The following STPG2 variants were observed in gnomAD, a reference collection of about 807,000 sequenced individuals.
STPG2 encodes the protein sperm tail PG-rich repeat containing 2.
In STPG2, 56 loss-of-function variants were observed where a neutral mutation model predicts 54.2. The ratio of observed to expected loss-of-function variants is 1.03; its 90% CI spans 0.83 to 1.29. STPG2 has a LOEUF of 1.29. Ranked by LOEUF, STPG2 falls within the 50% of genes most tolerant of loss-of-function variation. The pLI is 0.00. For missense variants in STPG2, 596 were observed against 544.9 expected, an observed-to-expected ratio of 1.09 and a Z score of -0.93; for synonymous variants, 200 against 181.8, an observed-to-expected ratio of 1.10 and a Z score of -0.81.
chr4:97,803,198 T>C (rs1263086344), intron 9 of STPG2, among the ~76,000 whole-genome samples: 1 of 152,166 alleles, frequency 6.6e-6, no homozygotes, highest in Admixed American at 6.5e-5. Context: ...CTCCAAAATA[T>C]ATATGGAGGG....
intron 8 of STPG2, among the ~76,000 whole-genome samples, chr4:97,841,612 T>C (rs1180201419): frequency 1.3e-5 from 2 of 151,812 alleles, no homozygotes; most frequent in Non-Finnish European, 3.0e-5. Context: ...TCCTTTGAAA[T>C]CTATTCACCT....
chr4:97,536,513 T>C (rs948202397), intron 4 of STPG2, among the ~76,000 whole-genome samples: 2 of 152,166 alleles, frequency 1.3e-5, no homozygotes, highest in African/African-American at 4.8e-5. Flanking sequence ...TCCCCAGCCA[T>C]GCAGAACTGA....
chr4:97,687,769 G>A (rs1175952028), intron 10 of STPG2, among the ~76,000 whole-genome samples: 1 of 151,992 alleles, frequency 6.6e-6, no homozygotes, highest in Non-Finnish European at 1.5e-5. Context: ...GGGAACTTTA[G>A]AATATATTAT....
intron 9 of STPG2, among the ~76,000 whole-genome samples, chr4:97,816,626 C>T (rs925194301): frequency 2.6e-5 from 4 of 152,096 alleles, no homozygotes; most frequent in Admixed American, 1.3e-4. Context: ...CTCCTCACCA[C>T]GGATGAGCAT....
At chr4:97,630,513 T>A (rs921015087) in intron 10 of STPG2, among the ~76,000 whole-genome samples, 20 of 151,882 alleles carry the variant, frequency 1.3e-4, no homozygotes, top group Admixed American at 4.6e-4. Context: ...TTATTGTTAA[T>A]CATAGAAAAT....
At chr4:97,992,808 C>A (rs1168590927) in intron 5 of STPG2, among the ~76,000 whole-genome samples, 1 of 151,918 alleles carries the variant, frequency 6.6e-6, no homozygotes, top group East Asian at 1.9e-4. Flanking sequence ...GGTCTTTCAC[C>A]TCCTTAGTTA....
At chr4:97,981,797 A>G (rs1329878044) in intron 5 of STPG2, among the ~76,000 whole-genome samples, 1 of 147,818 alleles carries the variant, frequency 6.8e-6, no homozygotes, top group Non-Finnish European at 1.5e-5. Context: ...ATTCAGTTTA[A>G]CTTTTAAACT....
intron 9 of STPG2, among the ~76,000 whole-genome samples, chr4:97,756,580 C>A (rs552788082): frequency 2.1e-4 from 32 of 152,172 alleles, no homozygotes; most frequent in African/African-American, 7.7e-4. Context: ...CCTGCCTTGG[C>A]CTCCCAAAGT....
At chr4:97,839,592 A>C (rs943610216) in intron 9 of STPG2, among the ~76,000 whole-genome samples, 3 of 151,688 alleles carry the variant, frequency 2.0e-5, no homozygotes, top group African/African-American at 7.2e-5. Context: ...GAGTGTAATC[A>C]GGGACACACT....
intron 4 of STPG2, among the ~76,000 whole-genome samples, chr4:97,536,430 T>C (rs1177356137): frequency 1.3e-5 from 2 of 152,178 alleles, no homozygotes; most frequent in Non-Finnish European, 2.9e-5. Context: ...GCTCTGTCTC[T>C]CTCCTGATGC....
At chr4:97,539,110 A>G (rs377316923) in intron 4 of STPG2, among the ~76,000 whole-genome samples, 21 of 151,604 alleles carry the variant, frequency 1.4e-4, no homozygotes, top group Middle Eastern at 3.4e-3. Context: ...AAAGACCATC[A>G]ATGCTAGGAA....
chr4:97,900,930 G>GA (rs1553923058), intron 8 of STPG2, among the ~76,000 whole-genome samples: 1 of 151,710 alleles, frequency 6.6e-6, no homozygotes, highest in Non-Finnish European at 1.5e-5. Context: ...GAAAATAAAA[G>GA]TTTTTTTAAA....
chr4:97,476,109 ATATAT>A (rs1730066012), intron 4 of STPG2, among the ~76,000 whole-genome samples: 1 of 152,182 alleles, frequency 6.6e-6, no homozygotes. Flanking sequence ...GTATGAATTA[ATATAT>A]TGTATTTAAT....
chr4:97,912,630 G>T (rs766715433), intron 8 of STPG2, among the ~76,000 whole-genome samples: 7 of 152,060 alleles, frequency 4.6e-5, no homozygotes, highest in Non-Finnish European at 1.0e-4. Flanking sequence ...AAAAGAATGA[G>T]AAGGAATGAA....
At chr4:97,818,947 T>C (rs141468918) in intron 9 of STPG2, among the ~76,000 whole-genome samples, 3,947 of 147,934 alleles carry the variant, frequency 0.027, 81 homozygotes, top group Non-Finnish European at 0.043. Flanking sequence ...GTATCTCTTA[T>C]ATAAATATAC....
chr4:97,856,383 G>A (rs1281832500), intron 8 of STPG2, among the ~76,000 whole-genome samples: 1 of 152,248 alleles, frequency 6.6e-6, no homozygotes, highest in Admixed American at 6.5e-5. Context: ...CACTTCCCAT[G>A]TTAGCTGTAT....
At chr4:97,925,080 A>C (rs1209316521) in intron 8 of STPG2, among the ~76,000 whole-genome samples, 2 of 152,244 alleles carry the variant, frequency 1.3e-5, no homozygotes, top group African/African-American at 4.8e-5. Flanking sequence ...GAGTAAAGAT[A>C]AAATTATTTC....
intron 4 of STPG2, among the ~76,000 whole-genome samples, chr4:97,465,634 G>T (rs1729769773): frequency 6.6e-6 from 1 of 151,828 alleles, no homozygotes; most frequent in South Asian, 2.1e-4. Flanking sequence ...AGATGTTCAG[G>T]TTCCTGATAT....
At chr4:97,751,258 T>G (rs1468135449) in intron 9 of STPG2, among the ~76,000 whole-genome samples, 3 of 151,830 alleles carry the variant, frequency 2.0e-5, no homozygotes, top group Non-Finnish European at 4.4e-5. Flanking sequence ...ATTTCCCTTT[T>G]CCTTTTTGCT....
Sources: allele counts gnomAD v4.1 joint callset (sites outside exome capture counted in the v4.1 genomes callset), GRCh38; gene constraint gnomAD v4.1.1; transcripts MANE v1.5; gene names NCBI Gene and HGNC (gene_info 2026-07-23, HGNC 2026-07-21).